MCTP2: variants seen among roughly 807,000 people sequenced by gnomAD.
The protein encoded by MCTP2 is multiple C2 and transmembrane domain-containing protein 2.
MCTP2 carries 132 observed loss-of-function variants against 111.6 expected under a neutral mutation model. The ratio of observed to expected loss-of-function variants is 1.18; its 90% CI spans 1.03 to 1.37. MCTP2 has a LOEUF of 1.37. MCTP2 is among the 40% of genes most tolerant of loss of function. The probability of loss-of-function intolerance (pLI) is 0.00; values close to 1 mark genes in which losing one functional copy is unlikely to be tolerated. For synonymous variants in MCTP2, 395 were observed against 387.7 expected (o/e 1.02, Z -0.22); for missense variants, 1,183 against 1,067.9 (o/e 1.11, Z -1.50).
intron 2 of MCTP2, among the ~76,000 whole-genome samples, chr15:94,305,436 A>G (rs2152346017): frequency 6.6e-6 from 1 of 152,294 alleles, no homozygotes; most frequent in East Asian, 1.9e-4. Flanking sequence ...AGAGCACCAT[A>G]GTCTACTGCC....
Position 94,460,011 on chromosome 15 carries a change from C to T in MCTP2, c.2360+1765C>T, listed in dbSNP as rs142335389. On this transcript the variant is annotated intron_variant, in intron 20 of 22. Transcript: ENST00000357742. ...TGATTAAATTTGTAGTCCAAGATCA[C>T]ACAACTAGTAGCTATGTAGCTTGGA... Among the ~76,000 whole-genome samples, 772 of 152,292 alleles carry T rather than the reference C, an allele frequency of 5.1e-3. 5 individuals carry two copies. The highest frequency in any genetic ancestry group is 0.017 in the African/African-American group (707 of 41,552).
chr15:94,388,436 C>T (rs987986506), intron 14 of MCTP2, among the ~76,000 whole-genome samples: 3 of 152,174 alleles, frequency 2.0e-5, no homozygotes, highest in Non-Finnish European at 1.5e-5. Flanking sequence ...AGTGGTCCAC[C>T]TGCAACATTC....
intron 8 of MCTP2, among the ~76,000 whole-genome samples, chr15:94,346,607 A>G (rs535500672): frequency 9.8e-5 from 15 of 152,286 alleles, no homozygotes; most frequent in African/African-American, 3.6e-4. Flanking sequence ...CTGCTGCACT[A>G]AAACACGGGT....
intron 1 of MCTP2, among the ~76,000 whole-genome samples, chr15:94,293,617 A>G (rs552540678): frequency 6.6e-6 from 1 of 152,336 alleles, no homozygotes; most frequent in Non-Finnish European, 1.5e-5. Flanking sequence ...CACTGCAGGG[A>G]TCTTTCCCAA....
Position 94,479,064 on chromosome 15 carries a change from C to A in MCTP2, c.*30C>A. 1 of 1,608,630 alleles carries A rather than the reference C, an allele frequency of 6.2e-7. No individual in the cohort carries two copies. Among genetic ancestry groups the A allele is most frequent in the Non-Finnish European group, 8.5e-7 (1 of 1,175,214 alleles). On this transcript the variant is annotated 3_prime_UTR_variant, in exon 23 of 23. Transcript: ENST00000357742. ...CACACCGACTTTGGACAGCAGCACC[C>A]AATATTGTGTTTGGTTGAGTAGACC...
At chr15:94,468,698 A>C (rs2073634937) in intron 20 of MCTP2, among the ~76,000 whole-genome samples, 1 of 152,134 alleles carries the variant, frequency 6.6e-6, no homozygotes, top group South Asian at 2.1e-4. Context: ...GCAGTGATGC[A>C]ATCTCGGCTC....
At chr15:94,331,404 G>A (rs1449642306) in intron 4 of MCTP2, among the ~76,000 whole-genome samples, 1 of 152,112 alleles carries the variant, frequency 6.6e-6, no homozygotes, top group Non-Finnish European at 1.5e-5. Flanking sequence ...AAGACAAGAT[G>A]TTAGGGGAAG....
intron 13 of MCTP2, among the ~76,000 whole-genome samples, chr15:94,384,692 G>A (rs985135936): frequency 6.6e-6 from 1 of 152,158 alleles, no homozygotes; most frequent in African/African-American, 2.4e-5. Context: ...TGGGTAAAAT[G>A]GTGACATACT....
intron 14 of MCTP2, 32 bp from the exon 15 acceptor site, chr15:94,398,929 C>A: frequency 7.6e-7 from 1 of 1,320,298 alleles, no homozygotes; most frequent in Non-Finnish European, 1.1e-6. Flanking sequence ...TAATTTTGCA[C>A]CAATGTGTAT....
chr15:94,393,947 G>A (rs1287123344), intron 14 of MCTP2, among the ~76,000 whole-genome samples: 1 of 151,356 alleles, frequency 6.6e-6, no homozygotes, highest in Non-Finnish European at 1.5e-5. Flanking sequence ...CTACTCAGGA[G>A]GCTGAGGCAG....
intron 1 of MCTP2, among the ~76,000 whole-genome samples, chr15:94,277,264 A>T (rs2074263305): frequency 6.6e-6 from 1 of 152,170 alleles, no homozygotes; most frequent in Non-Finnish European, 1.5e-5. Context: ...AATATAACTA[A>T]CTGCTCATTG....
In MCTP2 at chr15:94,385,626, A is replaced by AG; in HGVS notation, c.1788+101_1788+102insG. Reference sequence around the variant, plus strand: ...ATCTTTGTCAACCTGGGGGAAAAAAATCCTCCTAACTATAGCAGGAAACGA... The same window carrying AG: ...ATCTTTGTCAACCTGGGGGAAAAAAAGTCCTCCTAACTATAGCAGGAAACGA... On this transcript the variant is annotated intron_variant, in intron 14 of 22. Transcript: ENST00000357742. 5.0e-6 allele frequency: 4 copies of AG among 805,026 alleles called. No individual in the cohort carries two copies. The Admixed American group carries it at 7.6e-5, about 15-fold the overall frequency. The allele number at this position is 805,026 out of a possible 1,614,324, so 49.9% of individuals were successfully genotyped here. A position where few individuals can be genotyped will look rare whatever the true frequency, so the allele number is the denominator to read the frequency against.
At chr15:94,422,156 AG>A (rs1249003035) in intron 17 of MCTP2, among the ~76,000 whole-genome samples, 9 of 152,176 alleles carry the variant, frequency 5.9e-5, no homozygotes, top group African/African-American at 1.9e-4. Context: ...CAAGGCTGCT[AG>A]TATACGGCTG....
intron 1 of MCTP2, among the ~76,000 whole-genome samples, chr15:94,235,110 G>A (rs8034374): frequency 0.14 from 21,545 of 152,092 alleles, 1,672 homozygotes; most frequent in African/African-American, 0.19. Flanking sequence ...AAATTAGTCC[G>A]GTGTGGTGGC....
At chr15:94,260,123 TC>T (rs1330095214) in intron 1 of MCTP2, among the ~76,000 whole-genome samples, 1 of 152,180 alleles carries the variant, frequency 6.6e-6, no homozygotes, top group African/African-American at 2.4e-5. Flanking sequence ...TCTTCTCACT[TC>T]TGTTTTCTCT....
chr15:94,245,798 T>C (rs1285243268), intron 1 of MCTP2, among the ~76,000 whole-genome samples: 2 of 151,088 alleles, frequency 1.3e-5, no homozygotes, highest in African/African-American at 2.4e-5. Flanking sequence ...ATGGCTTCAT[T>C]GGAGCACATA....
intron 14 of MCTP2, among the ~76,000 whole-genome samples, chr15:94,390,621 A>G (rs951189547): frequency 1.3e-5 from 2 of 152,086 alleles, no homozygotes; most frequent in Admixed American, 1.3e-4. Flanking sequence ...ATCAGCTTTC[A>G]TGGTAATCTG....
chr15:94,404,238 A>T (rs1225418954), intron 17 of MCTP2, among the ~76,000 whole-genome samples: 3 of 152,022 alleles, frequency 2.0e-5, no homozygotes, highest in African/African-American at 7.2e-5. Context: ...ATGAGAGGCT[A>T]TACAGAAAAT....
chr15:94,243,730 T>TAC (rs1555439028), intron 1 of MCTP2, among the ~76,000 whole-genome samples: 1 of 141,770 alleles, frequency 7.1e-6, no homozygotes, highest in Non-Finnish European at 1.5e-5. Context: ...CACATACATA[T>TAC]GTGTATACAT....
Sources: gnomAD v4.1 joint callset for allele counts (sites outside exome capture counted in the v4.1 genomes callset) on GRCh38, gnomAD v4.1.1 for gene constraint, MANE v1.5 for transcripts, NCBI Gene and HGNC (gene_info 2026-07-23, HGNC 2026-07-21) for gene names.